The following COG4 variants were observed in gnomAD, a reference collection of about 807,000 sequenced individuals.
The protein encoded by COG4 is component of oligomeric golgi complex 4, also known as conserved oligomeric Golgi complex subunit 4.
In COG4, 65 loss-of-function variants were observed where a neutral mutation model predicts 95.1. That is an observed-to-expected ratio of 0.68 (90% CI 0.56 to 0.84). COG4 has a LOEUF of 0.84. Ranked by LOEUF, COG4 falls within the 40% of genes least tolerant of loss-of-function variation. The pLI is 0.00. For synonymous variants in COG4, 421 were observed against 374.8 expected, an observed-to-expected ratio of 1.12 and a Z score of -1.42; for missense variants, 1,045 against 989.1, an observed-to-expected ratio of 1.06 and a Z score of -0.76.
At chr16:70,504,285 C>T (rs1160505609) in intron 8 of COG4, among the ~76,000 whole-genome samples, 1 of 152,008 alleles carries the variant, frequency 6.6e-6, no homozygotes, top group African/African-American at 2.4e-5. Flanking sequence ...TCTTACAATG[C>T]GTAGAACAGT....
intron 12 of COG4, among the ~76,000 whole-genome samples, chr16:70,492,745 C>G (rs1271868182): frequency 5.9e-5 from 9 of 151,772 alleles, no homozygotes; most frequent in Non-Finnish European, 1.3e-4. Context: ...GGTGGATCAC[C>G]TGAGGTCAGG....
At position 70,501,120 on chromosome 16, in the gene COG4, A is replaced by G. The variant is rs182338476; in HGVS notation, c.1062-29T>C. On this transcript the variant is annotated intron_variant, in intron 8 of 18. Coordinates refer to ENST00000323786, the MANE Select transcript of COG4 (RefSeq NM_015386.3). Reference sequence around the variant, plus strand: ...AGACACATGGAGCAGAAGGAATAGGACGACAATGGATTACCTTAGACACAA... The same window carrying G: ...AGACACATGGAGCAGAAGGAATAGGGCGACAATGGATTACCTTAGACACAA... 1.6e-4 allele frequency: 252 copies of G among 1,609,614 alleles called. 2 individuals carry two copies. Among genetic ancestry groups the G allele is most frequent in the South Asian group, 1.5e-3 (140 of 91,068 alleles).
chr16:70,500,365 CTTTTTTT>C (rs68141616), intron 9 of COG4, among the ~76,000 whole-genome samples: 9 of 96,158 alleles, frequency 9.4e-5, no homozygotes, highest in Non-Finnish European at 1.1e-4. Context: ...ATTATATACT[CTTTTTTT>C]TTTTTTTTTT....
intron 5 of COG4, among the ~76,000 whole-genome samples, chr16:70,510,914 C>T (rs544856931): frequency 7.1e-4 from 108 of 152,160 alleles, no homozygotes; most frequent in African/African-American, 2.4e-3. Flanking sequence ...CAGGCACCCG[C>T]CAACATGCCC....
intron 12 of COG4, among the ~76,000 whole-genome samples, chr16:70,495,115 G>C (rs1296849154): frequency 6.6e-6 from 1 of 151,902 alleles, no homozygotes; most frequent in East Asian, 1.9e-4. Flanking sequence ...TGATAACCAG[G>C]CACGGTAGCT....
Position 70,509,180 on chromosome 16 carries a change from G to C in COG4, c.1002+51C>G, listed in dbSNP as rs17652109. ...AACCCTACAATTTATTCTACTCAGTGTTCCTCGCTAAAGCTGCTACCAAAC... is the reference window on the plus strand; with the variant it reads ...AACCCTACAATTTATTCTACTCAGTCTTCCTCGCTAAAGCTGCTACCAAAC... On this transcript the variant is annotated intron_variant, in intron 7 of 18. Transcript: ENST00000323786. The C allele has an allele frequency of 2.5e-6, 4 of 1,607,248 alleles. No individual in the cohort carries two copies. The Admixed American group carries it at 6.7e-5, about 27-fold the overall frequency.
chr16:70,499,789 A>G (rs531811418), intron 9 of COG4, among the ~76,000 whole-genome samples: 2 of 152,034 alleles, frequency 1.3e-5, no homozygotes, highest in East Asian at 3.9e-4. Flanking sequence ...CCTCCAGAGT[A>G]GCTGGGACTG....
rs1179527541 is a variant in COG4, at chr16:70,501,076, G to T, written c.1077C>A (p.Ile359=). ...CATTCATCAGGGTGACCTCAGTCAG[G>T]ATGGGGTCCAGTTCTCTGAGACACA... is the stretch of plus-strand genomic sequence containing the variant. The part of the protein sequence containing the change: ...EKIEPRELDP[I]LTEVTLMNAR... The change falls in exon 9 of 19, where the codon ATC becomes ATA. Residue 359 remains isoleucine, a synonymous_variant. Coordinates refer to ENST00000323786, the MANE Select transcript of COG4 (RefSeq NM_015386.3). 1.9e-6 allele frequency: 3 copies of T among 1,613,516 alleles called. No homozygotes were observed. The highest frequency in any genetic ancestry group is 2.5e-6 in the Non-Finnish European group (3 of 1,180,008).
At chr16:70,484,296 G>C (rs2049082901) in intron 13 of COG4, among the ~76,000 whole-genome samples, 1 of 152,184 alleles carries the variant, frequency 6.6e-6, no homozygotes, top group Admixed American at 6.6e-5. Context: ...TAAAGTTTCT[G>C]AGCTTCAATT....
At chr16:70,510,072 C>T (rs1183854788) in intron 5 of COG4, 51 bp from the exon 6 acceptor site, 2 of 1,453,920 alleles carry the variant, frequency 1.4e-6, no homozygotes, top group East Asian at 2.3e-5. Flanking sequence ...CACCCTCATA[C>T]CAGGTATATC....
intron 11 of COG4, 54 bp downstream of exon 11, chr16:70,497,167 G>GAATCAACA: frequency 1.3e-6 from 2 of 1,547,916 alleles, no homozygotes; most frequent in Admixed American, 3.3e-5. Flanking sequence ...TGGGCCTCAG[G>GAATCAACA]AATCAACAGG....
Position 70,512,273 on chromosome 16 carries a change from C to T in COG4, c.704G>A (p.Gly235Glu). The part of the protein sequence containing the change: ...IFPLLGLHEE[G>E]LRKFSEYLCK... ...AAGGTACTCCGAGAACTTTCTTAAT[C>T]CCTCCTCATGCAAACCCAGCAGTGG... The change falls in exon 5 of 19, where the codon GGA becomes GAA. Residue 235 changes from glycine (G) to glutamate (E), a missense_variant. By Grantham distance (98) the Gly-to-Glu change is moderately conservative. Coordinates refer to ENST00000323786, the MANE Select transcript of COG4 (RefSeq NM_015386.3). 6.2e-7 allele frequency: 1 copy of T among 1,614,148 alleles called. No individual in the cohort carries two copies. The highest frequency in any genetic ancestry group is 1.1e-5 in the South Asian group (1 of 91,084).
At chr16:70,522,577 A>T (rs1213522339) in intron 1 of COG4, among the ~76,000 whole-genome samples, 1 of 152,228 alleles carries the variant, frequency 6.6e-6, no homozygotes, top group Non-Finnish European at 1.5e-5. Flanking sequence ...CCTCTCCCTC[A>T]GGCTGAAACT....
chr16:70,511,264 T>C (rs2151759579), intron 5 of COG4, among the ~76,000 whole-genome samples: 1 of 151,150 alleles, frequency 6.6e-6, no homozygotes, highest in East Asian at 1.9e-4. Context: ...GATTGCTAAC[T>C]CCCTCATTTT....
chr16:70,485,704 G>C (rs945014528), intron 13 of COG4, among the ~76,000 whole-genome samples: 1 of 150,170 alleles, frequency 6.7e-6, no homozygotes, highest in Admixed American at 6.7e-5. Context: ...TCCCACCTCA[G>C]CCTCCGGAGT....
At chr16:70,509,428 C>T (rs112198107) in intron 6 of COG4, 40 bp from the exon 7 acceptor site, 1 of 1,612,018 alleles carries the variant, frequency 6.2e-7, no homozygotes, top group African/African-American at 1.3e-5. Context: ...TCCAAGTATT[C>T]TTCCTACAAA....
rs758368956 is a variant in COG4 at position 70,480,977 on chromosome 16, A to C, written c.*33T>G. 8 of 1,610,314 alleles carry C rather than the reference A, an allele frequency of 5.0e-6. No homozygotes were observed. The highest frequency in any genetic ancestry group is 2.2e-5 in the East Asian group (1 of 44,874). On this transcript the variant is annotated 3_prime_UTR_variant, in exon 19 of 19. Transcript: ENST00000323786. ...GGGCCCCTTAGGGAACAGGCCTGCA[A>C]GTGTGATGAGCCAGGTGTGCTCATC...
At position 70,515,385 on chromosome 16, in the gene COG4, T is replaced by C. The variant is rs544966964; in HGVS notation, c.370-876A>G. ...TACAGCCACCAACTCACTATTAAGG[T>C]TTTTTTAGAACATGCTTGCGCCAGG... On this transcript the variant is annotated intron_variant, in intron 3 of 18. Transcript: ENST00000323786. Among the ~76,000 whole-genome samples, 3 of 152,042 alleles carry C rather than the reference T, an allele frequency of 2.0e-5. No individual in the cohort carries two copies. In the South Asian group the frequency reaches 6.2e-4, roughly 32 times the overall value.
chr16:70,480,925 A>G lies in COG4; in HGVS notation c.*85T>C, dbSNP rs7919. ...TGGGCTGTCAGATCTCCCCCAAGCC[A>G]GACAGCCTCGCTCAGCTCCTTGGCT... On this transcript the variant is annotated 3_prime_UTR_variant, in exon 19 of 19. Coordinates refer to ENST00000323786, the MANE Select transcript of COG4 (RefSeq NM_015386.3). The G allele has an allele frequency of 3.9e-6, 6 of 1,542,940 alleles. No homozygotes were observed. Among genetic ancestry groups the G allele is most frequent in the Non-Finnish European group, 5.3e-6 (6 of 1,127,520 alleles).
Sources: gnomAD v4.1 joint callset for allele counts (sites outside exome capture counted in the v4.1 genomes callset) on GRCh38, gnomAD v4.1.1 for gene constraint, MANE v1.5 for transcripts, NCBI Gene and HGNC (gene_info 2026-07-23, HGNC 2026-07-21) for gene names.